Variants in HPSE2 observed in about 807,000 individuals in gnomAD.
The protein encoded by HPSE2 is heparanase 2 (inactive).
In HPSE2, 38 loss-of-function variants were observed where a neutral mutation model predicts 60.5. The ratio of observed to expected loss-of-function variants is 0.63; its 90% confidence interval spans 0.48 to 0.82. The LOEUF is 0.82. HPSE2 is among the 40% of genes least tolerant of loss of function. HPSE2 has a pLI of 0.00. For synonymous variants in HPSE2, 295 were observed against 293.2 expected (o/e 1.01, Z -0.06); for missense variants, 713 against 740.4 (o/e 0.96, Z 0.43).
At chr10:98,900,826 T>C (rs1953646892) in intron 3 of HPSE2, among the ~76,000 whole-genome samples, 1 of 152,178 alleles carries the variant, frequency 6.6e-6, no homozygotes, top group Non-Finnish European at 1.5e-5. Flanking sequence ...GAATTTACCA[T>C]ACAACCCATG....
chr10:98,735,955 T>C (rs1949346034), intron 4 of HPSE2, among the ~76,000 whole-genome samples: 1 of 152,130 alleles, frequency 6.6e-6, no homozygotes, highest in Non-Finnish European at 1.5e-5. Context: ...GGGGTACTGT[T>C]GGGAAGGCAT....
chr10:99,023,581 A>C (rs1200774822), intron 3 of HPSE2, among the ~76,000 whole-genome samples: 2 of 152,184 alleles, frequency 1.3e-5, no homozygotes, highest in East Asian at 1.9e-4. Flanking sequence ...GACCCAGCAC[A>C]GTCATAGTAA....
chr10:98,752,671 T>C (rs534171824), intron 3 of HPSE2, among the ~76,000 whole-genome samples: 13 of 152,310 alleles, frequency 8.5e-5, no homozygotes, highest in Middle Eastern at 3.4e-3. Context: ...TCAGTATTAA[T>C]ATTCTCATCT....
chr10:98,816,832 A>C (rs571278833), intron 3 of HPSE2, among the ~76,000 whole-genome samples: 2 of 152,188 alleles, frequency 1.3e-5, no homozygotes, highest in African/African-American at 4.8e-5. Flanking sequence ...CTGTTTACCA[A>C]GTAAATGCTA....
intron 3 of HPSE2, among the ~76,000 whole-genome samples, chr10:98,763,701 TC>T (rs1296962696): frequency 6.6e-6 from 1 of 151,582 alleles, no homozygotes; most frequent in Non-Finnish European, 1.5e-5. Flanking sequence ...TGAAATATCT[TC>T]AAAGTGCTGA....
rs1025311352 is a variant in HPSE2 at position 98,744,311 on chromosome 10, T to C, written c.611-255A>G. Among the ~76,000 whole-genome samples, 63 of 152,064 alleles carry C rather than the reference T, an allele frequency of 4.1e-4. 2 individuals carry two copies. The highest frequency in any genetic ancestry group is 1.5e-3 in the African/African-American group (62 of 41,484). Reference sequence around the variant, plus strand: ...GGGAGGCCGAGGTGGGCAGATCACCTAAGGTCGGGAGTTCGAGACCAGCCT... The same window carrying C: ...GGGAGGCCGAGGTGGGCAGATCACCCAAGGTCGGGAGTTCGAGACCAGCCT... On this transcript the variant is annotated intron_variant, in intron 3 of 11. Coordinates refer to ENST00000370552, the MANE Select transcript of HPSE2 (RefSeq NM_021828.5).
chr10:98,504,728 T>A (rs1218747147), intron 9 of HPSE2, among the ~76,000 whole-genome samples: 2 of 149,170 alleles, frequency 1.3e-5, no homozygotes, highest in Non-Finnish European at 3.0e-5. Flanking sequence ...AGGTGGAGCT[T>A]GCAGTGAGCT....
rs532036387 is a variant in HPSE2 at position 99,212,078 on chromosome 10, T to G, written c.448+20270A>C. ...AATGGCCAAAAAGTATATGGAAAAA[T>G]GTTCAACGTCACTGATTATCAGGGA... is the stretch of plus-strand genomic sequence containing the variant. On this transcript the variant is annotated intron_variant, in intron 2 of 11. Coordinates refer to ENST00000370552, the MANE Select transcript of HPSE2 (RefSeq NM_021828.5). Among the ~76,000 whole-genome samples, 3 of 152,088 alleles carry G rather than the reference T, an allele frequency of 2.0e-5. No individual in the cohort carries two copies. In the East Asian group the frequency reaches 5.8e-4, roughly 29 times the overall value.
chr10:98,655,522 C>T (rs7086093), intron 6 of HPSE2, among the ~76,000 whole-genome samples: 97,229 of 152,004 alleles, frequency 0.64, 33,813 homozygotes, highest in South Asian at 0.8. Context: ...GTGGTGTTTG[C>T]TCTGCAACAT....
chr10:99,232,214 TACACACACACACACAC>T (rs59437000), intron 2 of HPSE2, 118 bp downstream of exon 2: 111 of 898,224 alleles, frequency 1.2e-4, no homozygotes, highest in African/African-American at 2.4e-4. Context: ...CGCGCGCGCA[TACACACACACACACAC>T]ACACACACAC....
chr10:98,979,655 G>A (rs970276590), intron 3 of HPSE2, among the ~76,000 whole-genome samples: 10 of 152,158 alleles, frequency 6.6e-5, no homozygotes, highest in Non-Finnish European at 8.8e-5. Context: ...AAACTTAACC[G>A]TGTATTTCTC....
chr10:98,567,382 G>C (rs577447039), intron 9 of HPSE2, among the ~76,000 whole-genome samples: 4 of 152,192 alleles, frequency 2.6e-5, no homozygotes, highest in South Asian at 4.2e-4. Flanking sequence ...AGTGACATAT[G>C]AGGTGAGAGA....
Position 98,596,746 on chromosome 10 carries a change from C to T in HPSE2, c.1320+18158G>A, listed in dbSNP as rs187978532. On this transcript the variant is annotated intron_variant, in intron 9 of 11. Coordinates refer to ENST00000370552, the MANE Select transcript of HPSE2 (RefSeq NM_021828.5). ...ATCCTTATTGGAACTCCCTTATATG[C>T]GATTTGCTTCTTTTTTCTTGCTGCT... Among the ~76,000 whole-genome samples the T allele has an allele frequency of 7.9e-5, 12 of 152,112 alleles. No individual in the cohort carries two copies. The East Asian group carries it at 9.6e-4, about 12-fold the overall frequency.
At chr10:98,681,277 A>G (rs1947780923) in intron 6 of HPSE2, among the ~76,000 whole-genome samples, 1 of 152,152 alleles carries the variant, frequency 6.6e-6, no homozygotes, top group South Asian at 2.1e-4. Flanking sequence ...TGCCACCGTG[A>G]ACTTGTCAGC....
At chr10:99,074,446 A>G (rs1161456880) in intron 3 of HPSE2, among the ~76,000 whole-genome samples, 2 of 152,060 alleles carry the variant, frequency 1.3e-5, no homozygotes, top group Non-Finnish European at 2.9e-5. Flanking sequence ...GTGCTCTTTC[A>G]TTCAGTTTGC....
chr10:98,576,593 G>A (rs2133910354), intron 9 of HPSE2, among the ~76,000 whole-genome samples: 1 of 152,130 alleles, frequency 6.6e-6, no homozygotes, highest in African/African-American at 2.4e-5. Flanking sequence ...CGGGGTCCCA[G>A]GCACCTCCAC....
Position 99,023,236 on chromosome 10 carries a change from G to A in HPSE2, c.610+121002C>T, listed in dbSNP as rs1028012322. Among the ~76,000 whole-genome samples, 13 of 152,284 alleles carry A rather than the reference G, an allele frequency of 8.5e-5. 1 individual carries two copies. Among genetic ancestry groups the A allele is most frequent in the Middle Eastern group, 3.4e-3 (1 of 294 alleles). On this transcript the variant is annotated intron_variant, in intron 3 of 11. Coordinates refer to ENST00000370552, the MANE Select transcript of HPSE2 (RefSeq NM_021828.5). ...GTATTCCTTGTGGCCTGGGGTGGCG[G>A]TGGCTATGGGGTGAGGCTCCTCTGT...
the HPSE2 span, among the ~76,000 whole-genome samples, chr10:99,258,887 A>T: frequency 6.6e-6 from 1 of 152,260 alleles, no homozygotes; most frequent in African/African-American, 2.4e-5. Context: ...AGACCTAACT[A>T]TAAACCTAAA....
intron 3 of HPSE2, among the ~76,000 whole-genome samples, chr10:99,092,966 C>A (rs1261968513): frequency 6.6e-6 from 1 of 152,194 alleles, no homozygotes; most frequent in African/African-American, 2.4e-5. Flanking sequence ...CACAGTGGCT[C>A]ACGCCTATAA....
Sources: allele counts gnomAD v4.1 joint callset (sites outside exome capture counted in the v4.1 genomes callset), GRCh38; gene constraint gnomAD v4.1.1; transcripts MANE v1.5; gene names NCBI Gene and HGNC (gene_info 2026-07-23, HGNC 2026-07-21).